Variants in GIT2 observed in about 807,000 individuals in gnomAD.
GIT2 encodes GIT ArfGAP 2.
GIT2 carries 32 observed loss-of-function variants against 100.3 expected under a neutral mutation model. The ratio of observed to expected loss-of-function variants is 0.32; its 90% CI spans 0.24 to 0.43. GIT2 has a LOEUF of 0.43. GIT2 is among the 20% of genes least tolerant of loss of function. The pLI, the probability that GIT2 is intolerant of heterozygous loss-of-function variation, is 1.00. For missense variants in GIT2, 737 were observed against 975.1 expected (o/e 0.76, Z 3.25); for synonymous variants, 353 against 364.1 (o/e 0.97, Z 0.35).
intron 3 of GIT2, 69 bp downstream of exon 3, chr12:109,989,621 A>AG: frequency 1.1e-6 from 1 of 881,982 alleles, no homozygotes. Context: ...GACCAAAAAT[A>AG]GCTGCACTCC....
intron 7 of GIT2, among the ~76,000 whole-genome samples, chr12:109,969,632 G>A (rs774730862): frequency 1.3e-5 from 2 of 151,540 alleles, no homozygotes; most frequent in South Asian, 2.1e-4. Context: ...CTGCAGCCTC[G>A]ACTTCCTGGG....
intron 4 of GIT2, among the ~76,000 whole-genome samples, chr12:109,986,722 G>A (rs537304918): frequency 7.2e-5 from 11 of 151,966 alleles, no homozygotes; most frequent in South Asian, 4.1e-4. Flanking sequence ...CCAAGATTGC[G>A]CCACTGCACT....
At chr12:109,950,096 A>G (rs981141204) in intron 14 of GIT2, among the ~76,000 whole-genome samples, 1 of 152,206 alleles carries the variant, frequency 6.6e-6, no homozygotes, top group Non-Finnish European at 1.5e-5. Flanking sequence ...AAAAAGTCTC[A>G]AAAATGCTCT....
At chr12:109,972,636 T>A (rs1462842019) in intron 7 of GIT2, among the ~76,000 whole-genome samples, 1 of 152,004 alleles carries the variant, frequency 6.6e-6, no homozygotes, top group Non-Finnish European at 1.5e-5. Context: ...GTTAATTTTG[T>A]ATTTTTAGTA....
At chr12:109,953,053 A>C (rs368491616) in intron 13 of GIT2, 39 bp downstream of exon 13, 2 of 1,608,882 alleles carry the variant, frequency 1.2e-6, no homozygotes, top group African/African-American at 2.7e-5. Context: ...CCCTCAGCTG[A>C]TGCGTGCTTG....
chr12:109,967,317 C>T (rs750141762), intron 8 of GIT2, 141 bp downstream of exon 8: 72 of 1,595,794 alleles, frequency 4.5e-5, no homozygotes, highest in Non-Finnish European at 5.4e-5. Flanking sequence ...TACTTACAGC[C>T]GTCTTATTTC....
At chr12:109,939,390 T>G in intron 16 of GIT2, 143 bp from the exon 17 acceptor site, 1 of 588,946 alleles carries the variant, frequency 1.7e-6, no homozygotes, top group East Asian at 3.0e-5. Context: ...CTAGTGAAAA[T>G]TTAGTAAAAG....
chr12:109,936,580 AACT>A (rs1186112568), intron 18 of GIT2, among the ~76,000 whole-genome samples: 1 of 152,188 alleles, frequency 6.6e-6, no homozygotes, highest in Non-Finnish European at 1.5e-5. Context: ...CGCTGTCAAA[AACT>A]TTGGCCAAGC....
intron 4 of GIT2, 92 bp from the exon 5 acceptor site, chr12:109,983,786 C>T (rs933094889): frequency 5.3e-6 from 4 of 753,668 alleles, no homozygotes; most frequent in African/African-American, 5.3e-5. Flanking sequence ...ATATATGTTA[C>T]ATCAGTAACG....
intron 1 of GIT2, among the ~76,000 whole-genome samples, chr12:109,994,256 CATA>C (rs1888936391): frequency 6.6e-6 from 1 of 152,118 alleles, no homozygotes; most frequent in South Asian, 2.1e-4. Context: ...AGAATGTTAA[CATA>C]GTAAAATAAA....
chr12:109,994,229 C>A (rs978706295), intron 1 of GIT2, among the ~76,000 whole-genome samples: 2 of 152,066 alleles, frequency 1.3e-5, no homozygotes, highest in Admixed American at 6.6e-5. Flanking sequence ...GGATCAGAAT[C>A]CCATGGAAAG....
chr12:109,952,973 G>A, intron 13 of GIT2, 119 bp downstream of exon 13: 1 of 909,146 alleles, frequency 1.1e-6, no homozygotes, highest in Non-Finnish European at 1.7e-6. Flanking sequence ...ATTTAACCTT[G>A]TTTCACCTTT....
At chr12:109,991,364 G>A (rs1476646864) in intron 2 of GIT2, among the ~76,000 whole-genome samples, 2 of 151,198 alleles carry the variant, frequency 1.3e-5, no homozygotes, top group Non-Finnish European at 2.9e-5. Flanking sequence ...CAGAGCAACA[G>A]TACCAAGATA....
intron 6 of GIT2, chr12:109,982,128 C>T (rs181127064): frequency 8.3e-4 from 126 of 152,368 alleles, no homozygotes; most frequent in African/African-American, 2.9e-3. Context: ...TATTCCCAGA[C>T]CCACTCTGTT....
Position 109,962,279 on chromosome 12 carries a change from G to C in GIT2, c.817-594C>G, listed in dbSNP as rs185500589. Among the ~76,000 whole-genome samples the C allele has an allele frequency of 2.3e-3, 354 of 152,300 alleles. 1 individual carries two copies. Among genetic ancestry groups the C allele is most frequent in the African/African-American group, 8.4e-3 (347 of 41,552 alleles). ...GAGGCAGGAGGATCACTTCAGCCCA[G>C]GATATCAAGGCTGCAGTGAGCCAAG... On this transcript the variant is annotated intron_variant, in intron 9 of 19. Transcript: ENST00000355312. This position sits in a 1 kb window ranked among gnomAD's most constrained non-coding sequence, Gnocchi z 4.3.
In GIT2 at chr12:109,976,430, G is replaced by T. The variant is rs1267062951; in HGVS notation, c.718+4522C>A. Among the ~76,000 whole-genome samples, 7 of 147,302 alleles carry T rather than the reference G, an allele frequency of 4.8e-5. 1 individual carries two copies. Among genetic ancestry groups the T allele is most frequent in the Middle Eastern group, 7.9e-3 (2 of 252 alleles). On this transcript the variant is annotated intron_variant, in intron 7 of 19. Transcript: ENST00000355312. ...CTCCCGAGTAGCTGGGACTACAGGC[G>T]CCCACCACCACGCCCGGCTAATTTT...
At chr12:109,953,380 G>T (rs1296539491) in intron 12 of GIT2, 146 bp from the exon 13 acceptor site, 1 of 725,390 alleles carries the variant, frequency 1.4e-6, no homozygotes, top group South Asian at 1.8e-5. Context: ...AGCATTCTAG[G>T]AGGCCAAGGA....
chr12:109,988,243 C>T (rs144605779), intron 4 of GIT2, among the ~76,000 whole-genome samples: 156 of 152,226 alleles, frequency 1.0e-3, no homozygotes, highest in African/African-American at 3.6e-3. Context: ...TGAATGGCTG[C>T]CATTTGAATT....
chr12:109,971,054 G>A (rs547687295), intron 7 of GIT2, among the ~76,000 whole-genome samples: 37 of 152,322 alleles, frequency 2.4e-4, no homozygotes, highest in Middle Eastern at 3.4e-3. Context: ...CCAAAGTGCT[G>A]GGATTACAGG....
Sources: allele counts gnomAD v4.1 joint callset (sites outside exome capture counted in the v4.1 genomes callset), GRCh38; gene constraint gnomAD v4.1.1; non-coding constraint Gnocchi (gnomAD v3.1); transcripts MANE v1.5; gene names NCBI Gene and HGNC (gene_info 2026-07-23, HGNC 2026-07-21).